The following MAPK10 variants were observed in gnomAD, a reference collection of about 807,000 sequenced individuals.
MAPK10 encodes mitogen-activated protein kinase 10.
MAPK10 carries 25 observed loss-of-function variants against 59.3 expected under a neutral mutation model. That is an observed-to-expected ratio of 0.42 (90% CI 0.31 to 0.59). The LOEUF (loss-of-function observed/expected upper bound fraction) is 0.59, where lower values mean the gene tolerates loss of function less well. Ranked by LOEUF, MAPK10 falls within the 20% of genes least tolerant of loss-of-function variation. MAPK10 has a pLI of 0.15. For synonymous variants in MAPK10, 190 were observed against 200.5 expected (o/e 0.95, Z 0.44); for missense variants, 351 against 568.9 (o/e 0.62, Z 3.90).
chr4:86,355,116 C>G (rs1564671072), intron 1 of MAPK10, among the ~76,000 whole-genome samples: 1 of 152,066 alleles, frequency 6.6e-6, no homozygotes, highest in Admixed American at 6.6e-5. Flanking sequence ...TCTGAAGAGA[C>G]CTGTATTTAT....
At chr4:86,131,815 A>T (rs1296375550) in intron 4 of MAPK10, among the ~76,000 whole-genome samples, 1 of 152,212 alleles carries the variant, frequency 6.6e-6, no homozygotes, top group Non-Finnish European at 1.5e-5. Flanking sequence ...GACTATCAAA[A>T]TGCTACATTT....
At chr4:86,382,287 C>T (rs1227877726) in intron 1 of MAPK10, among the ~76,000 whole-genome samples, 12 of 151,968 alleles carry the variant, frequency 7.9e-5, no homozygotes, top group Non-Finnish European at 1.5e-5. Flanking sequence ...ACTCCTTACC[C>T]CACACTGACC....
At chr4:86,168,277 G>C (rs904024222) in intron 3 of MAPK10, among the ~76,000 whole-genome samples, 2 of 152,230 alleles carry the variant, frequency 1.3e-5, no homozygotes, top group Non-Finnish European at 2.9e-5. Flanking sequence ...CACTCGGGAA[G>C]TGCAAGGGTC....
At position 86,286,723 on chromosome 4, in the gene MAPK10, A is replaced by T. The variant is rs190619507; in HGVS notation, c.-7+67807T>A. 5.9e-5 allele frequency among the ~76,000 whole-genome samples: 9 copies of T among 152,288 alleles called. No individual in the cohort carries two copies. In the East Asian group the frequency reaches 1.5e-3, roughly 26 times the overall value. ...ACTGTGCAAAATGAGGGCAGTGTGC[A>T]ATCCTCAAGTACTTCAGGAATGAGG... is the stretch of plus-strand genomic sequence containing the variant. On this transcript the variant is annotated intron_variant, in intron 2 of 13. Coordinates refer to ENST00000641462, the MANE Select transcript of MAPK10 (RefSeq NM_138982.4).
At chr4:86,380,147 G>C (rs1740462741) in intron 1 of MAPK10, among the ~76,000 whole-genome samples, 1 of 152,074 alleles carries the variant, frequency 6.6e-6, no homozygotes, top group South Asian at 2.1e-4. Flanking sequence ...ACTTGAATCT[G>C]GGAGGCAGAG....
chr4:86,294,288 G>T (rs961014769), intron 2 of MAPK10, among the ~76,000 whole-genome samples: 1 of 152,040 alleles, frequency 6.6e-6, no homozygotes, highest in African/African-American at 2.4e-5. Context: ...CAAATGAATT[G>T]CTCTGCACTT....
At chr4:86,174,634 G>A (rs2075256411) in intron 3 of MAPK10, among the ~76,000 whole-genome samples, 1 of 152,124 alleles carries the variant, frequency 6.6e-6, no homozygotes, top group Admixed American at 6.6e-5. Flanking sequence ...AAAAGGTGAT[G>A]TGCCTCCTCA....
At chr4:86,174,766 C>A (rs1345201185) in intron 3 of MAPK10, among the ~76,000 whole-genome samples, 3 of 152,134 alleles carry the variant, frequency 2.0e-5, no homozygotes, top group African/African-American at 7.2e-5. Context: ...AGGAAATAAA[C>A]TTTTGATCTG....
chr4:86,574,614 G>A (rs1160317101), intron 1 of MAPK10, among the ~76,000 whole-genome samples: 3 of 152,128 alleles, frequency 2.0e-5, no homozygotes, highest in Non-Finnish European at 2.9e-5. Flanking sequence ...GGTGTGAGAT[G>A]GTATCTCATT....
intron 1 of MAPK10, among the ~76,000 whole-genome samples, chr4:86,450,598 T>A (rs1403674616): frequency 6.6e-6 from 1 of 152,166 alleles, no homozygotes; most frequent in Non-Finnish European, 1.5e-5. Context: ...TGAATTTTAG[T>A]GCTTTTCTTT....
At chr4:86,176,384 G>T (rs1471940426) in intron 3 of MAPK10, among the ~76,000 whole-genome samples, 2 of 152,064 alleles carry the variant, frequency 1.3e-5, no homozygotes, top group African/African-American at 4.8e-5. Context: ...ACTAATAACT[G>T]CATTTAATCT....
chr4:86,225,913 T>A (rs1364604032), intron 2 of MAPK10, among the ~76,000 whole-genome samples: 3 of 152,318 alleles, frequency 2.0e-5, no homozygotes, highest in Non-Finnish European at 4.4e-5. Flanking sequence ...TAGATATATG[T>A]ATACATATAG....
At chr4:86,438,644 C>A (rs1044505580) in intron 1 of MAPK10, among the ~76,000 whole-genome samples, 2 of 147,626 alleles carry the variant, frequency 1.4e-5, no homozygotes, top group Non-Finnish European at 3.0e-5. Context: ...GAGCTGAGAT[C>A]GTGTCTTTGC....
intron 4 of MAPK10, among the ~76,000 whole-genome samples, chr4:86,115,255 C>T (rs1038221749): frequency 1.3e-5 from 2 of 152,176 alleles, no homozygotes; most frequent in African/African-American, 4.8e-5. Flanking sequence ...GGCGGGGCAG[C>T]GCAGTCACTC....
intron 11 of MAPK10, 142 bp downstream of exon 11, chr4:86,064,124 T>G: frequency 1.0e-6 from 1 of 959,786 alleles, no homozygotes; most frequent in East Asian, 2.4e-5. Context: ...AAAATAGCTT[T>G]TAGAGGGGCA....
At chr4:86,523,039 T>G (rs1757232697) in intron 1 of MAPK10, among the ~76,000 whole-genome samples, 2 of 152,242 alleles carry the variant, frequency 1.3e-5, no homozygotes, top group African/African-American at 4.8e-5. Context: ...GCAACATAAG[T>G]TCCTTAGACA....
At chr4:86,202,333 T>C (rs1385507614) in intron 2 of MAPK10, among the ~76,000 whole-genome samples, 2 of 151,922 alleles carry the variant, frequency 1.3e-5, no homozygotes, top group African/African-American at 4.8e-5. Flanking sequence ...TCATTACTTT[T>C]GTTATGAATA....
chr4:86,065,532 T>C (rs1293028530), intron 10 of MAPK10: 1 of 152,304 alleles, frequency 6.6e-6, no homozygotes, highest in East Asian at 1.9e-4. Context: ...TCTAAAAATA[T>C]GTAAATTTTT....
chr4:86,352,053 G>C (rs1452360608), intron 2 of MAPK10: 1 of 152,156 alleles, frequency 6.6e-6, no homozygotes, highest in African/African-American at 2.4e-5. Flanking sequence ...TGTAAATCAA[G>C]TGTTGGTGAG....
Sources: allele counts gnomAD v4.1 joint callset (sites outside exome capture counted in the v4.1 genomes callset), GRCh38; gene constraint gnomAD v4.1.1; transcripts MANE v1.5; gene names NCBI Gene and HGNC (gene_info 2026-07-23, HGNC 2026-07-21).